The following MSRA variants were observed in gnomAD, a reference collection of about 807,000 sequenced individuals.
MSRA encodes mitochondrial peptide methionine sulfoxide reductase.
A neutral mutation model predicts 31.3 loss-of-function variants in MSRA; 54 were observed. That is an observed-to-expected ratio of 1.73 (90% CI 1.39 to 2.17). MSRA has a LOEUF of 2.17. MSRA is among the 30% of genes most tolerant of loss of function. The pLI is 0.00. For synonymous variants in MSRA, 169 were observed against 116.5 expected (o/e 1.45, Z -2.90); for missense variants, 507 against 300.9 (o/e 1.69, Z -5.07).
At chr8:10,373,512 C>T (rs1805591951) in intron 5 of MSRA, among the ~76,000 whole-genome samples, 1 of 152,258 alleles carries the variant, frequency 6.6e-6, no homozygotes, top group African/African-American at 2.4e-5. Flanking sequence ...GCTGGGATGA[C>T]AGGCATGAGC....
rs939073666 is a variant in MSRA at position 10,268,378 on chromosome 8, C to A, written c.331+23155C>A. ...GAAGAGTAGAGGAGATATGGGGAGA[C>A]TACACTCTTTTATTCCAGCCATTAC... On this transcript the variant is annotated intron_variant, in intron 3 of 5. Transcript: ENST00000317173. 3.5e-5 allele frequency among the ~76,000 whole-genome samples: 5 copies of A among 144,270 alleles called. No individual in the cohort carries two copies. In the East Asian group the frequency reaches 9.6e-4, roughly 28 times the overall value. The allele number at this position is 144,270 out of a possible 152,430, so 94.6% of individuals were successfully genotyped here. A position where few individuals can be genotyped will look rare whatever the true frequency, so the allele number is the denominator to read the frequency against.
chr8:10,198,444 T>C (rs1272639858), intron 1 of MSRA, among the ~76,000 whole-genome samples: 1 of 152,226 alleles, frequency 6.6e-6, no homozygotes, highest in African/African-American at 2.4e-5. Context: ...ATCTTAGAAC[T>C]GTGTCACAAA....
intron 5 of MSRA, among the ~76,000 whole-genome samples, chr8:10,351,226 G>C (rs1196959364): frequency 2.4e-5 from 2 of 83,558 alleles, no homozygotes; most frequent in Admixed American, 1.4e-4. Context: ...AATGATGGTT[G>C]TTTTTGCTCT....
intron 5 of MSRA, among the ~76,000 whole-genome samples, chr8:10,329,570 G>A (rs1218524263): frequency 1.3e-5 from 2 of 152,180 alleles, no homozygotes; most frequent in Non-Finnish European, 2.9e-5. Context: ...ACATTCACAG[G>A]TTTTAGGGGA....
intron 5 of MSRA, among the ~76,000 whole-genome samples, chr8:10,341,220 C>G (rs1369917120): frequency 6.6e-6 from 1 of 152,208 alleles, no homozygotes; most frequent in Non-Finnish European, 1.5e-5. Context: ...GCTCATGATT[C>G]TGCAGGCTTT....
At chr8:10,329,600 G>T (rs943600304) in intron 5 of MSRA, among the ~76,000 whole-genome samples, 4 of 152,134 alleles carry the variant, frequency 2.6e-5, no homozygotes, top group Admixed American at 6.5e-5. Context: ...GGACATTTTG[G>T]GGAGACCATT....
chr8:10,222,745 A>C (rs997687371), intron 2 of MSRA, among the ~76,000 whole-genome samples: 3 of 152,232 alleles, frequency 2.0e-5, no homozygotes, highest in Non-Finnish European at 2.9e-5. Context: ...ATAGAAAAAC[A>C]AATAGTGCGC....
At chr8:10,397,158 G>A (rs951339876) in intron 5 of MSRA, among the ~76,000 whole-genome samples, 7 of 152,190 alleles carry the variant, frequency 4.6e-5, no homozygotes, top group African/African-American at 1.7e-4. Flanking sequence ...CTCCCGGCTT[G>A]ACCTTCTGCT....
At chr8:10,409,860 G>A (rs1023990680) in intron 5 of MSRA, among the ~76,000 whole-genome samples, 1 of 152,174 alleles carries the variant, frequency 6.6e-6, no homozygotes, top group Non-Finnish European at 1.5e-5. Flanking sequence ...CTAGGAGTTC[G>A]AGACCAGCCT....
At chr8:10,101,061 A>G (rs181069994) in intron 1 of MSRA, among the ~76,000 whole-genome samples, 1 of 152,238 alleles carries the variant, frequency 6.6e-6, no homozygotes, top group Non-Finnish European at 1.5e-5. Context: ...AGCTGTATTC[A>G]TGGGAAATCT....
At chr8:10,331,228 A>C (rs1302463706) in intron 5 of MSRA, among the ~76,000 whole-genome samples, 1 of 152,164 alleles carries the variant, frequency 6.6e-6, no homozygotes, top group African/African-American at 2.4e-5. Flanking sequence ...TGGCAGCCCG[A>C]GCTGACAAGA....
At chr8:10,115,032 G>A (rs1379763099) in intron 1 of MSRA, among the ~76,000 whole-genome samples, 1 of 152,090 alleles carries the variant, frequency 6.6e-6, no homozygotes, top group Admixed American at 6.6e-5. Context: ...TTTTAGGAAT[G>A]GAATAAACCA....
At chr8:10,129,284 G>C (rs1254153210) in intron 1 of MSRA, among the ~76,000 whole-genome samples, 1 of 152,132 alleles carries the variant, frequency 6.6e-6, no homozygotes, top group Non-Finnish European at 1.5e-5. Flanking sequence ...TAAAGGCAAG[G>C]ATGTAAAGAG....
chr8:10,200,366 C>T (rs1038777394), intron 1 of MSRA, among the ~76,000 whole-genome samples: 1 of 152,304 alleles, frequency 6.6e-6, no homozygotes. Flanking sequence ...GCATATGGTC[C>T]CTGGTCACCA....
chr8:10,389,834 TG>T (rs1396135396), intron 5 of MSRA, among the ~76,000 whole-genome samples: 10 of 146,064 alleles, frequency 6.8e-5, no homozygotes, highest in African/African-American at 2.0e-4. Context: ...AAGACTTCAG[TG>T]GTCCCATTGT....
At chr8:10,312,364 G>A (rs1251583621) in intron 4 of MSRA, among the ~76,000 whole-genome samples, 1 of 152,202 alleles carries the variant, frequency 6.6e-6, no homozygotes, top group East Asian at 1.9e-4. Context: ...CAGAAACCAG[G>A]AAGATATGAT....
At chr8:10,265,405 G>T (rs1185984147) in intron 3 of MSRA, among the ~76,000 whole-genome samples, 3 of 152,124 alleles carry the variant, frequency 2.0e-5, no homozygotes, top group Admixed American at 6.5e-5. Context: ...TGTGGTGGCT[G>T]CTGGAAATAG....
chr8:10,370,493 T>C (rs912298260), intron 5 of MSRA, among the ~76,000 whole-genome samples: 10 of 152,232 alleles, frequency 6.6e-5, no homozygotes, highest in South Asian at 2.1e-4. Context: ...CTACTTGTCC[T>C]TTAATGTAAT....
At chr8:10,399,087 T>G (rs551478996) in intron 5 of MSRA, among the ~76,000 whole-genome samples, 12 of 152,348 alleles carry the variant, frequency 7.9e-5, no homozygotes, top group Non-Finnish European at 1.5e-4. Context: ...ACCATGGAAT[T>G]TTCCAAAGGC....
Sources: gnomAD v4.1 joint callset for allele counts (sites outside exome capture counted in the v4.1 genomes callset) on GRCh38, gnomAD v4.1.1 for gene constraint, MANE v1.5 for transcripts, NCBI Gene and HGNC (gene_info 2026-07-23, HGNC 2026-07-21) for gene names.